The following UBXN7 variants were observed in gnomAD, a reference collection of about 807,000 sequenced individuals.
UBXN7 encodes the protein UBX domain protein 7.
UBXN7 carries 9 observed loss-of-function variants against 58.0 expected under a neutral mutation model. The observed-to-expected ratio is 0.16, with a 90% CI of 0.09 to 0.27. The LOEUF (loss-of-function observed/expected upper bound fraction) is 0.27. Among genes scored for constraint, UBXN7 ranks in the 10% least tolerant of loss-of-function variants. UBXN7 has a pLI of 1.00. For synonymous variants in UBXN7, 208 were observed against 205.0 expected (o/e 1.01, Z -0.12); for missense variants, 328 against 599.6 (o/e 0.55, Z 4.73).
chr3:196,386,082 A>G (rs1729383473), intron 5 of UBXN7, among the ~76,000 whole-genome samples: 1 of 152,016 alleles, frequency 6.6e-6, no homozygotes, highest in Admixed American at 6.6e-5. Context: ...CTTACCCCCA[A>G]CCCCATGCTC....
At chr3:196,413,829 G>C (rs995838633) in intron 1 of UBXN7, among the ~76,000 whole-genome samples, 3 of 152,024 alleles carry the variant, frequency 2.0e-5, no homozygotes. Context: ...ATATAAAATG[G>C]TACAGTATTT....
chr3:196,355,329 G>A lies in UBXN7; in HGVS notation c.*1356C>T, dbSNP rs774497710. On this transcript the variant is annotated 3_prime_UTR_variant, in exon 11 of 11. Transcript: ENST00000296328. ...GCTCAAAATACGAAATGAGCATAGG[G>A]TGAAGTTGATGTGTAAATGGTATTC... 5 of 152,164 alleles carry A rather than the reference G, an allele frequency of 3.3e-5. No homozygotes were observed. Among genetic ancestry groups the A allele is most frequent in the Non-Finnish European group, 7.3e-5 (5 of 68,030 alleles). 9.4% of individuals were successfully genotyped at this position (152,164 alleles called of 1,614,324 possible). A position where few individuals can be genotyped will look rare whatever the true frequency, so the allele number is the denominator to read the frequency against.
intron 10 of UBXN7, among the ~76,000 whole-genome samples, chr3:196,357,589 A>G (rs1376325145): frequency 1.3e-5 from 2 of 152,142 alleles, no homozygotes; most frequent in African/African-American, 4.8e-5. Context: ...CTGGGGCAAC[A>G]TGGCAAAATC....
At chr3:196,418,232 TGAAAGAAA>T (rs970562316) in intron 1 of UBXN7, among the ~76,000 whole-genome samples, 1 of 150,364 alleles carries the variant, frequency 6.7e-6, no homozygotes, top group Admixed American at 6.6e-5. Context: ...AAGACTCCAT[TGAAAGAAA>T]GAAAGGAAGA....
intron 3 of UBXN7, among the ~76,000 whole-genome samples, chr3:196,401,248 C>CAAAA (rs35766312): frequency 0.032 from 73 of 2,272 alleles, 24 homozygotes; most frequent in Non-Finnish European, 0.037. Flanking sequence ...CCCGTCTCTC[C>CAAAA]AAAAAAAAAA....
chr3:196,370,158 C>A (rs1453524537), intron 6 of UBXN7, among the ~76,000 whole-genome samples: 1 of 149,270 alleles, frequency 6.7e-6, no homozygotes, highest in Non-Finnish European at 1.5e-5. Flanking sequence ...AAGATTATGG[C>A]TCCACATGGT....
chr3:196,393,065 A>G (rs1291688457), intron 4 of UBXN7, among the ~76,000 whole-genome samples: 1 of 152,234 alleles, frequency 6.6e-6, no homozygotes, highest in African/African-American at 2.4e-5. Context: ...CTAAATCAAT[A>G]CTAAATCCTC....
In UBXN7 at chr3:196,413,470, T is replaced by C. The variant is rs183613712; in HGVS notation, c.74-6077A>G. ...ATTTGGGGTCTGCCTTTTATCTAGG[T>C]ATATATGGTAATTTAAGTTACACAG... is the stretch of plus-strand genomic sequence containing the variant. On this transcript the variant is annotated intron_variant, in intron 1 of 10. Transcript: ENST00000296328. Among the ~76,000 whole-genome samples, 3 of 152,286 alleles carry C rather than the reference T, an allele frequency of 2.0e-5. No individual in the cohort carries two copies. In the East Asian group the frequency reaches 5.8e-4, roughly 29 times the overall value.
intron 6 of UBXN7, 61 bp downstream of exon 6, chr3:196,371,835 T>C (rs1382300671): frequency 1.3e-6 from 2 of 1,562,784 alleles, no homozygotes; most frequent in East Asian, 2.3e-5. Flanking sequence ...TTCCTTTCCC[T>C]CAACAACCCA....
intron 7 of UBXN7, among the ~76,000 whole-genome samples, chr3:196,368,439 A>T (rs1288416346): frequency 6.6e-6 from 1 of 152,180 alleles, no homozygotes; most frequent in Non-Finnish European, 1.5e-5. Flanking sequence ...TATCTCTTTC[A>T]GCATATGCAT....
chr3:196,380,024 T>C (rs1577446556), intron 5 of UBXN7, among the ~76,000 whole-genome samples: 1 of 151,714 alleles, frequency 6.6e-6, no homozygotes, highest in South Asian at 2.1e-4. Flanking sequence ...CCAAGGCGGG[T>C]GGATCACGAG....
chr3:196,389,719 C>T lies in UBXN7; in HGVS notation c.468+2094G>A, dbSNP rs1046934693. On this transcript the variant is annotated intron_variant, in intron 5 of 10. Transcript: ENST00000296328. ...ATGCTTTCTATACAGCCTGTAGAAA[C>T]GTTGAGTCAAAATATACCTTTTTCT... 2.0e-5 allele frequency among the ~76,000 whole-genome samples: 3 copies of T among 152,258 alleles called. No individual in the cohort carries two copies. In the South Asian group the frequency reaches 6.2e-4, roughly 32 times the overall value.
At chr3:196,364,745 G>A (rs1728610426) in intron 8 of UBXN7, among the ~76,000 whole-genome samples, 1 of 150,736 alleles carries the variant, frequency 6.6e-6, no homozygotes, top group African/African-American at 2.4e-5. Context: ...CACCCAGGCT[G>A]AAGTGCAGTG....
intron 5 of UBXN7, among the ~76,000 whole-genome samples, chr3:196,374,915 G>A (rs1305503316): frequency 1.7e-4 from 1 of 5,928 alleles, no homozygotes; most frequent in African/African-American, 6.8e-4. Flanking sequence ...GGGGGAGGGG[G>A]AGGGGGAGGG....
chr3:196,391,978 GA>G (rs11335716), intron 4 of UBXN7, 53 bp from the exon 5 acceptor site: 90,265 of 192,928 alleles, frequency 0.47, 14,216 homozygotes, highest in East Asian at 0.62. Context: ...GAATCACACT[GA>G]AAAAAAAAAA....
intron 6 of UBXN7, among the ~76,000 whole-genome samples, 168 bp downstream of exon 6, chr3:196,371,728 C>T (rs191940104): frequency 6.7e-4 from 102 of 152,296 alleles, no homozygotes; most frequent in African/African-American, 2.2e-3. Flanking sequence ...GGTGATCCGC[C>T]GGCCTCAGCC....
rs549951492 is a variant in UBXN7 at position 196,402,533 on chromosome 3, A to G, written c.289+419T>C. Among the ~76,000 whole-genome samples the G allele has an allele frequency of 1.4e-4, 22 of 152,304 alleles. No individual in the cohort carries two copies. The South Asian group carries it at 2.7e-3, about 19-fold the overall frequency. On this transcript the variant is annotated intron_variant, in intron 3 of 10. Coordinates refer to ENST00000296328, the MANE Select transcript of UBXN7 (RefSeq NM_015562.2). ...CTATCGCCAGTCTCTATCCAGATTC[A>G]TATCACAATTTTTCACATGAATGAG...
intron 5 of UBXN7, among the ~76,000 whole-genome samples, chr3:196,379,746 G>A (rs1178043047): frequency 3.3e-5 from 5 of 152,068 alleles, no homozygotes; most frequent in South Asian, 2.1e-4. Context: ...GGGTATCTTC[G>A]GTATCATCCC....
rs979140459 is a variant in UBXN7, at chr3:196,348,127, C to T, written c.*8558G>A. 1.3e-5 allele frequency: 2 copies of T among 152,038 alleles called. No individual in the cohort carries two copies. The highest frequency in any genetic ancestry group is 4.8e-5 in the African/African-American group (2 of 41,390). The allele number at this position is 152,038 out of a possible 1,614,324, so 9.4% of individuals were successfully genotyped here. A position where few individuals can be genotyped will look rare whatever the true frequency, so the allele number is the denominator to read the frequency against. ...GCGTTACCTAATGGCATGTTTTTCT[C>T]CTCTTACAAGTTTAATTTTCTACCG... On this transcript the variant is annotated 3_prime_UTR_variant, in exon 11 of 11. Coordinates refer to ENST00000296328, the MANE Select transcript of UBXN7 (RefSeq NM_015562.2).
Sources: gnomAD v4.1 joint callset for allele counts (sites outside exome capture counted in the v4.1 genomes callset) on GRCh38, gnomAD v4.1.1 for gene constraint, MANE v1.5 for transcripts, NCBI Gene and HGNC (gene_info 2026-07-23, HGNC 2026-07-21) for gene names.